COL19A1: variants seen among roughly 807,000 people sequenced by gnomAD.
COL19A1 encodes the protein collagen type XIX alpha 1 chain.
A neutral mutation model predicts 190.2 loss-of-function variants in COL19A1; 159 were observed. That is an observed-to-expected ratio of 0.84 (90% CI 0.73 to 0.95). The LOEUF is 0.95. Among genes scored for constraint, COL19A1 ranks in the 40% least tolerant of loss-of-function variants. COL19A1 has a pLI of 0.00. For synonymous variants in COL19A1, 509 were observed against 458.9 expected (o/e 1.11, Z -1.39); for missense variants, 1,418 against 1,431.9 (o/e 0.99, Z 0.16).
rs199707916 is a variant in COL19A1 at position 69,895,722 on chromosome 6, G to A, written c.92-3226G>A. On this transcript the variant is annotated intron_variant, in intron 2 of 50. Coordinates refer to ENST00000620364, the MANE Select transcript of COL19A1 (RefSeq NM_001858.6). The stretch of plus-strand genomic sequence containing the variant: ...GGACCCCCTCCCACTTGGCTGTCTC[G>A]TTAATATTTTTTGGGTGAATGACTT... 5.9e-5 allele frequency among the ~76,000 whole-genome samples: 9 copies of A among 152,104 alleles called. No homozygotes were observed. The East Asian group carries it at 1.2e-3, about 20-fold the overall frequency.
At chr6:70,052,450 C>A (rs140353690) in intron 14 of COL19A1, among the ~76,000 whole-genome samples, 25 of 152,330 alleles carry the variant, frequency 1.6e-4, no homozygotes, top group Middle Eastern at 3.4e-3. Context: ...AAATGTTGCT[C>A]TTTTGTTTAC....
chr6:70,046,046 C>G (rs773220754), intron 14 of COL19A1, among the ~76,000 whole-genome samples: 52 of 152,170 alleles, frequency 3.4e-4, no homozygotes, highest in Non-Finnish European at 7.4e-4. Flanking sequence ...CTGGGCCATC[C>G]TGGAAGCCCA....
chr6:70,165,933 C>T lies in COL19A1; in HGVS notation c.2401-8C>T. ...TACGCCGCTGATATGTCTATATATC[C>T]CTTGCAGGGCAGCGACGGACCCCCT... On this transcript the variant is annotated splice_region_variant and splice_polypyrimidine_tract_variant and intron_variant, in intron 36 of 50. Coordinates refer to ENST00000620364, the MANE Select transcript of COL19A1 (RefSeq NM_001858.6). 6.2e-7 allele frequency: 1 copy of T among 1,613,572 alleles called. No individual in the cohort carries two copies. Among genetic ancestry groups the T allele is most frequent in the East Asian group, 2.2e-5 (1 of 44,866 alleles).
intron 48 of COL19A1, among the ~76,000 whole-genome samples, chr6:70,193,928 A>G (rs1767033617): frequency 6.6e-6 from 1 of 152,210 alleles, no homozygotes; most frequent in Non-Finnish European, 1.5e-5. Context: ...GGTCACAATT[A>G]CCATTTTCGG....
At chr6:69,958,276 G>A (rs749791828) in intron 9 of COL19A1, among the ~76,000 whole-genome samples, 14 of 152,160 alleles carry the variant, frequency 9.2e-5, no homozygotes, top group Admixed American at 2.6e-4. Flanking sequence ...CCGTATTGGC[G>A]TACTTTAATG....
rs1705051470 is a variant in COL19A1, at chr6:70,188,153, A to G, written c.2935A>G (p.Ile979Val). The G allele has an allele frequency of 2.5e-6, 4 of 1,614,060 alleles. No homozygotes were observed. Among genetic ancestry groups the G allele is most frequent in the Non-Finnish European group, 3.4e-6 (4 of 1,179,948 alleles). Residue 979 changes from isoleucine (I) to valine (V), a missense_variant, in exon 47 of 51, where the codon ATC becomes GTC. Transcript: ENST00000620364. ...KPGLTGMKGA[I>V]GPMGPPGNKG... ...AGGCCTTACAGGCATGAAGGGGGCC[A>G]TCGGTCCTATGGGTCCACCAGGAAA... is the stretch of plus-strand genomic sequence containing the variant.
At chr6:70,095,645 G>C (rs780087023) in intron 15 of COL19A1, among the ~76,000 whole-genome samples, 12 of 152,028 alleles carry the variant, frequency 7.9e-5, no homozygotes, top group Non-Finnish European at 1.5e-4. Flanking sequence ...CATTTTCATC[G>C]TGCAAAACTG....
intron 34 of COL19A1, among the ~76,000 whole-genome samples, chr6:70,158,497 G>A (rs564224284): frequency 8.5e-5 from 13 of 152,158 alleles, no homozygotes; most frequent in South Asian, 6.2e-4. Context: ...AGAGAGAGGA[G>A]TTGCCTGCTT....
intron 48 of COL19A1, among the ~76,000 whole-genome samples, chr6:70,195,550 C>T (rs1303056514): frequency 6.6e-6 from 1 of 152,136 alleles, no homozygotes; most frequent in Non-Finnish European, 1.5e-5. Context: ...GTCTGGGCTC[C>T]TCCATGCAGA....
intron 1 of COL19A1, among the ~76,000 whole-genome samples, chr6:69,871,704 A>G (rs1219544906): frequency 6.6e-6 from 1 of 151,910 alleles, no homozygotes; most frequent in African/African-American, 2.4e-5. Flanking sequence ...AAATTGTTAG[A>G]TGGCTTAACA....
At chr6:70,043,193 C>CTT (rs548148887) in intron 14 of COL19A1, among the ~76,000 whole-genome samples, 2,853 of 145,270 alleles carry the variant, frequency 0.02, 113 homozygotes, top group African/African-American at 0.066. Context: ...ATTTCTTCTT[C>CTT]TTTTTTTTTT....
At chr6:70,106,113 G>T (rs1301819902) in intron 16 of COL19A1, among the ~76,000 whole-genome samples, 1 of 152,064 alleles carries the variant, frequency 6.6e-6, no homozygotes, top group Non-Finnish European at 1.5e-5. Context: ...GTTGTTATTC[G>T]GGGGAGTGTC....
intron 15 of COL19A1, among the ~76,000 whole-genome samples, chr6:70,081,504 A>C (rs1012724295): frequency 1.3e-5 from 2 of 152,182 alleles, no homozygotes; most frequent in African/African-American, 2.4e-5. Flanking sequence ...AATGAAAAAA[A>C]AACCTGAAGC....
In COL19A1 at chr6:70,199,672, T is replaced by C. The variant is rs778217084; in HGVS notation, c.3159T>C (p.Tyr1053=). ...CAGCAATGTTGGCTGCCCAAGCTTATGGGAGACCTGGGCCACCAGGGAAGG... is the reference window on the plus strand; with the variant it reads ...CAGCAATGTTGGCTGCCCAAGCTTACGGGAGACCTGGGCCACCAGGGAAGG... ...LPAAMLAAQA[Y]GRPGPPGKDG... The change falls in exon 49 of 51, where the codon TAT becomes TAC. Residue 1053 remains tyrosine (Y), a synonymous_variant. Coordinates refer to ENST00000620364, the MANE Select transcript of COL19A1 (RefSeq NM_001858.6). 1 of 1,610,068 alleles carries C rather than the reference T, an allele frequency of 6.2e-7. No individual in the cohort carries two copies. The highest frequency in any genetic ancestry group is 1.1e-5 in the South Asian group (1 of 90,364).
intron 2 of COL19A1, among the ~76,000 whole-genome samples, chr6:69,881,255 C>T (rs765191665): frequency 6.6e-6 from 1 of 152,128 alleles, no homozygotes; most frequent in Non-Finnish European, 1.5e-5. Context: ...AATTAACAGA[C>T]ATTTTGGTTT....
chr6:70,206,330 A>C (rs1767845508), intron 49 of COL19A1, among the ~76,000 whole-genome samples: 1 of 152,198 alleles, frequency 6.6e-6, no homozygotes, highest in Non-Finnish European at 1.5e-5. Context: ...CTCGCTATCA[A>C]GAGTATAACT....
chr6:70,062,597 A>T (rs1463046832), intron 14 of COL19A1, among the ~76,000 whole-genome samples: 1 of 152,158 alleles, frequency 6.6e-6, no homozygotes, highest in East Asian at 1.9e-4. Flanking sequence ...ACCAGCTAAC[A>T]TCATAATGAC....
At chr6:69,994,275 T>C (rs1171513888) in intron 11 of COL19A1, among the ~76,000 whole-genome samples, 3 of 152,176 alleles carry the variant, frequency 2.0e-5, no homozygotes, top group Non-Finnish European at 2.9e-5. Context: ...TTCCTAGCTC[T>C]TTTCATCTTG....
At chr6:70,055,756 T>A (rs1345466022) in intron 14 of COL19A1, among the ~76,000 whole-genome samples, 2 of 138,580 alleles carry the variant, frequency 1.4e-5, no homozygotes, top group African/African-American at 5.6e-5. Context: ...CACTCCAGCC[T>A]GGGAGACAGA....
Sources: allele counts gnomAD v4.1 joint callset (sites outside exome capture counted in the v4.1 genomes callset), GRCh38; gene constraint gnomAD v4.1.1; transcripts MANE v1.5; gene names NCBI Gene and HGNC (gene_info 2026-07-23, HGNC 2026-07-21).